The following CHST9 variants were observed in gnomAD, a reference collection of about 807,000 sequenced individuals.
The protein encoded by CHST9 is carbohydrate sulfotransferase 9, also known as GalNAc-4-sulfotransferase 2.
CHST9 carries 41 observed loss-of-function variants against 44.4 expected under a neutral mutation model. The ratio of observed to expected loss-of-function variants is 0.92; its 90% CI spans 0.72 to 1.20. The LOEUF (loss-of-function observed/expected upper bound fraction) is 1.20, where lower values mean the gene tolerates loss of function less well. Ranked by LOEUF, CHST9 falls within the 50% of genes most tolerant of loss-of-function variation. The probability of loss-of-function intolerance (pLI) is 0.00; values close to 1 mark genes in which losing one functional copy is unlikely to be tolerated. For missense variants in CHST9, 504 were observed against 516.5 expected, an observed-to-expected ratio of 0.98 and a Z score of 0.23; for synonymous variants, 171 against 178.4, an observed-to-expected ratio of 0.96 and a Z score of 0.33.
intron 4 of CHST9, among the ~76,000 whole-genome samples, chr18:26,975,780 T>G (rs972693218): frequency 6.9e-6 from 1 of 144,480 alleles, no homozygotes; most frequent in African/African-American, 2.5e-5. Context: ...TTTCTTTATC[T>G]TATTCATTGA....
intron 1 of CHST9, among the ~76,000 whole-genome samples, chr18:27,180,025 A>G (rs1567951728): frequency 1.3e-5 from 2 of 152,146 alleles, no homozygotes; most frequent in Non-Finnish European, 2.9e-5. Context: ...GCAAAATATC[A>G]TACTTTAAAA....
At chr18:26,943,416 T>C (rs2056114057) in intron 5 of CHST9, among the ~76,000 whole-genome samples, 1 of 152,224 alleles carries the variant, frequency 6.6e-6, no homozygotes, top group South Asian at 2.1e-4. Context: ...AATTGGAATT[T>C]CTTTTGGAGT....
At chr18:27,058,276 A>C (rs1418062349) in intron 2 of CHST9, among the ~76,000 whole-genome samples, 3 of 152,192 alleles carry the variant, frequency 2.0e-5, no homozygotes, top group Non-Finnish European at 4.4e-5. Context: ...AAATAATATA[A>C]TATTCTAAGT....
At chr18:27,053,242 A>AGAAGAAGAAGAG (rs2057601469) in intron 2 of CHST9, among the ~76,000 whole-genome samples, 3 of 93,680 alleles carry the variant, frequency 3.2e-5, no homozygotes, top group Admixed American at 2.1e-4. Flanking sequence ...AAGAAGAAGA[A>AGAAGAAGAAGAG]GAAGAAGAAG....
intron 4 of CHST9, among the ~76,000 whole-genome samples, chr18:26,990,218 T>C (rs2056800553): frequency 1.3e-5 from 2 of 152,100 alleles, no homozygotes; most frequent in South Asian, 4.1e-4. Context: ...GTGACAGTGA[T>C]TGGGGTGGTA....
chr18:27,005,080 T>C (rs993152519), intron 4 of CHST9, among the ~76,000 whole-genome samples: 30 of 152,202 alleles, frequency 2.0e-4, no homozygotes, highest in Non-Finnish European at 1.5e-5. Flanking sequence ...ACTTCTGATA[T>C]TCCTATAATT....
At chr18:26,926,833 T>C (rs1370634299) in intron 5 of CHST9, among the ~76,000 whole-genome samples, 2 of 152,206 alleles carry the variant, frequency 1.3e-5, no homozygotes, top group African/African-American at 4.8e-5. Context: ...ATATTAAATG[T>C]GGATGGGAAC....
At chr18:27,118,035 C>G (rs1380593968) in intron 2 of CHST9, among the ~76,000 whole-genome samples, 1 of 152,166 alleles carries the variant, frequency 6.6e-6, no homozygotes, top group Non-Finnish European at 1.5e-5. Flanking sequence ...TACAATTGTT[C>G]TACATCTTTG....
At chr18:27,053,811 T>A (rs540409243) in intron 2 of CHST9, among the ~76,000 whole-genome samples, 98 of 152,146 alleles carry the variant, frequency 6.4e-4, no homozygotes, top group Non-Finnish European at 9.7e-4. Context: ...GAATGTCCTG[T>A]CACACGGCTC....
In CHST9 at chr18:27,028,451, C is replaced by T. The variant is rs1459367460; in HGVS notation, c.161-4294G>A. On this transcript the variant is annotated intron_variant, in intron 3 of 5. Coordinates refer to ENST00000618847, the MANE Select transcript of CHST9 (RefSeq NM_031422.6). Reference sequence around the variant, plus strand: ...GTTTACAGGCGGGCTAGAGGGCATCCGGTACTGAGGTGGCTGTGAACATCA... The same window carrying T: ...GTTTACAGGCGGGCTAGAGGGCATCTGGTACTGAGGTGGCTGTGAACATCA... 3.3e-5 allele frequency among the ~76,000 whole-genome samples: 5 copies of T among 152,230 alleles called. No homozygotes were observed. The South Asian group carries it at 1.0e-3, about 32-fold the overall frequency.
At chr18:27,028,887 G>A (rs560710880) in intron 3 of CHST9, among the ~76,000 whole-genome samples, 5 of 152,302 alleles carry the variant, frequency 3.3e-5, no homozygotes, top group African/African-American at 4.8e-5. Context: ...CTTTAACTAT[G>A]TATGCATTTG....
intron 2 of CHST9, among the ~76,000 whole-genome samples, chr18:27,127,102 T>G (rs1479566721): frequency 6.6e-6 from 1 of 152,078 alleles, no homozygotes; most frequent in Admixed American, 6.5e-5. Context: ...TTACTGAGTT[T>G]AAGGGGTCTG....
chr18:27,136,854 G>A (rs960846384), intron 2 of CHST9, among the ~76,000 whole-genome samples: 29 of 152,146 alleles, frequency 1.9e-4, no homozygotes, highest in African/African-American at 7.0e-4. Flanking sequence ...TTGTAATGTA[G>A]GCTACATTGA....
At chr18:27,130,441 T>A (rs2058462030) in intron 2 of CHST9, among the ~76,000 whole-genome samples, 1 of 152,210 alleles carries the variant, frequency 6.6e-6, no homozygotes. Flanking sequence ...AATCAGTGTA[T>A]CCAAAAAAAT....
In CHST9 at chr18:26,909,106, C is replaced by T. The variant is rs2055406488; in HGVS notation, c.*7153G>A. On this transcript the variant is annotated 3_prime_UTR_variant, in exon 6 of 6. Coordinates refer to ENST00000618847, the MANE Select transcript of CHST9 (RefSeq NM_031422.6). ...TGCCCAGTGCTGTCCCCGTCCCTCA[C>T]TTCATCATTTCAGCTCTAGTTCTTG... 6.6e-6 allele frequency: 1 copy of T among 152,236 alleles called. No individual in the cohort carries two copies. Among genetic ancestry groups the T allele is most frequent in the South Asian group, 2.1e-4 (1 of 4,838 alleles). 9.4% of individuals were successfully genotyped at this position (152,236 alleles called of 1,614,324 possible).
Position 26,916,322 on chromosome 18 carries a change from T to C in CHST9, c.1269A>G (p.Gln423=). Reference sequence around the variant, plus strand: ...CCAAGTAATAAAAGTCATAGATTAATTGTCTCTCAGTTCTAGTCAGATCCT... The same window carrying C: ...CCAAGTAATAAAAGTCATAGATTAACTGTCTCTCAGTTCTAGTCAGATCCT... ...YLKDLTRTER[Q]LIYDFYYLDY... Residue 423 remains glutamine, a synonymous_variant, in exon 6 of 6, where the codon CAA becomes CAG. Transcript: ENST00000618847. The C allele has an allele frequency of 6.2e-7, 1 of 1,609,294 alleles. No homozygotes were observed. The highest frequency in any genetic ancestry group is 8.5e-7 in the Non-Finnish European group (1 of 1,175,964).
At chr18:27,146,092 C>G (rs560786110) in intron 1 of CHST9, among the ~76,000 whole-genome samples, 1 of 152,110 alleles carries the variant, frequency 6.6e-6, no homozygotes, top group Non-Finnish European at 1.5e-5. Flanking sequence ...AGCAGAGCCA[C>G]GAACCTGTGG....
intron 2 of CHST9, among the ~76,000 whole-genome samples, chr18:27,139,588 C>T (rs2058547882): frequency 1.3e-5 from 2 of 152,136 alleles, no homozygotes; most frequent in African/African-American, 4.8e-5. Flanking sequence ...TAAGGCAGAA[C>T]TTCAGATGGA....
chr18:27,149,541 T>A (rs1416982958), intron 1 of CHST9, among the ~76,000 whole-genome samples: 1 of 152,068 alleles, frequency 6.6e-6, no homozygotes, highest in Non-Finnish European at 1.5e-5. Flanking sequence ...TGATTTATAT[T>A]ACTGGGTATA....
Sources: gnomAD v4.1 joint callset for allele counts (sites outside exome capture counted in the v4.1 genomes callset) on GRCh38, gnomAD v4.1.1 for gene constraint, MANE v1.5 for transcripts, NCBI Gene and HGNC (gene_info 2026-07-23, HGNC 2026-07-21) for gene names.